Variants in PCDH8 observed in about 807,000 individuals in gnomAD.
PCDH8 encodes the protein protocadherin 8, also known as protocadherin-8.
In PCDH8, 36 loss-of-function variants were observed where a neutral mutation model predicts 58.2. The ratio of observed to expected loss-of-function variants is 0.62; its 90% CI spans 0.47 to 0.82. PCDH8 has a LOEUF of 0.82. PCDH8 is among the 40% of genes least tolerant of loss of function. The probability of loss-of-function intolerance (pLI) is 0.00; values close to 1 mark genes in which losing one functional copy is unlikely to be tolerated. For synonymous variants in PCDH8, 775 were observed against 728.9 expected (o/e 1.06, Z -1.02); for missense variants, 1,493 against 1,567.8 (o/e 0.95, Z 0.81).
chr13:52,845,770 C>T, intron 1 of PCDH8, 36 bp downstream of exon 1: 1 of 1,498,994 alleles, frequency 6.7e-7, no homozygotes, highest in Non-Finnish European at 8.8e-7. Flanking sequence ...GTCCGCGGAG[C>T]TCGGAGGGGG....
At position 52,844,916 on chromosome 13, in the gene PCDH8, C is replaced by A; in HGVS notation, c.2857G>T (p.Ala953Ser). 6.5e-7 allele frequency: 1 copy of A among 1,528,806 alleles called. No homozygotes were observed. The allele number at this position is 1,528,806 out of a possible 1,614,324, so 94.7% of individuals were successfully genotyped here. ...GAGTGGCCCAGGATCTTACACTCAGCGGTGCACGCCCACAGTCCTAATACG... is the reference window on the plus strand; with the variant it reads ...GAGTGGCCCAGGATCTTACACTCAGAGGTGCACGCCCACAGTCCTAATACG... ...HMQSGLWACT[A>S]ECKILGHSDR... The change falls in exon 3 of 3, where the codon GCT (alanine) becomes TCT (serine). Residue 953 changes from alanine (A) to serine (S), a missense_variant. Physicochemically the swap from Ala to Ser is moderately conservative, Grantham distance 99 (BLOSUM62 1). Coordinates refer to ENST00000377942, the MANE Select transcript of PCDH8 (RefSeq NM_002590.4).
rs1322166309 is a variant in PCDH8 at position 52,843,360 on chromosome 13, G to A, written c.*1200C>T. On this transcript the variant is annotated 3_prime_UTR_variant, in exon 3 of 3. Transcript: ENST00000377942. ...GATCTTGTTTCACATAGCTCCCTGT[G>A]TTTTTTTCTAGAACATTTTAAAGCG... 1 of 151,960 alleles carries A rather than the reference G, an allele frequency of 6.6e-6. No individual in the cohort carries two copies. Among genetic ancestry groups the A allele is most frequent in the African/African-American group, 2.4e-5 (1 of 41,356 alleles). 9.4% of individuals were successfully genotyped at this position (151,960 alleles called of 1,614,324 possible). A position where few individuals can be genotyped will look rare whatever the true frequency, so the allele number is the denominator to read the frequency against.
Position 52,847,380 on chromosome 13 carries a change from C to A in PCDH8, c.1057G>T (p.Asp353Tyr). 1 of 1,529,390 alleles carries A rather than the reference C, an allele frequency of 6.5e-7. No homozygotes were observed. Among genetic ancestry groups the A allele is most frequent in the Non-Finnish European group, 8.7e-7 (1 of 1,144,720 alleles). 94.7% of individuals were successfully genotyped at this position (1,529,390 alleles called of 1,614,324 possible). The change falls in exon 1 of 3, where the codon GAC (aspartate) becomes TAC (tyrosine). Residue 353 changes from aspartate (D) to tyrosine (Y), a missense_variant. By Grantham distance (160) the Asp-to-Tyr change is radical. This residue lies in a region of PCDH8 where 1,307 missense variants were observed against 1,362.7 expected (regional missense o/e 0.96). Coordinates refer to ENST00000377942, the MANE Select transcript of PCDH8 (RefSeq NM_002590.4). ...RIRDVNDNAP[D>Y]IAITPLAAPG... is the part of the protein sequence containing the mutation. ...GCGGCCAGCGGGGTGATGGCGATGT[C>A]GGGTGCGTTGTCATTGACGTCTCGG...
In PCDH8 at chr13:52,846,154, C is replaced by G; in HGVS notation, c.2283G>C (p.Thr761=). Residue 761 remains threonine (T), a synonymous_variant, in exon 1 of 3, where the codon ACG becomes ACC. Transcript: ENST00000377942. ...TGGCGATGATGGCGGCCAGCAGCAG[C>G]GTGCAGCTCCCGGCCAGCACGATGA... The part of the protein sequence containing the change: ...IVIIVLAGSC[T]LLLAAIIAIA... The G allele has an allele frequency of 4.4e-6, 7 of 1,584,184 alleles. No homozygotes were observed. The East Asian group carries it at 1.4e-4, about 32-fold the overall frequency.
In PCDH8 at chr13:52,847,129, G is replaced by A. The variant is rs746672316; in HGVS notation, c.1308C>T (p.His436=). The A allele has an allele frequency of 1.0e-5, 16 of 1,548,726 alleles. No homozygotes were observed. The highest frequency in any genetic ancestry group is 1.4e-5 in the Non-Finnish European group (16 of 1,155,116). ...CCGCGTAGGCCGGCTGCAGCCGGAAGTGCTCGTGCCCATAGAGGGCGCAGC... is the reference window on the plus strand; with the variant it reads ...CCGCGTAGGCCGGCTGCAGCCGGAAATGCTCGTGCCCATAGAGGGCGCAGC... ...QVRCALYGHE[H]FRLQPAYAGS... is the part of the protein sequence containing the mutation. The change falls in exon 1 of 3, where the codon CAC becomes CAT. Residue 436 remains histidine, a synonymous_variant. Transcript: ENST00000377942.
chr13:52,847,088 A>T lies in PCDH8; in HGVS notation c.1349T>A (p.Val450Glu). The change falls in exon 1 of 3, where the codon GTG becomes GAG. Residue 450 changes from valine to glutamate, a missense_variant. Val to Glu is a moderately radical substitution (Grantham distance 121, BLOSUM62 -2). Around this residue, in one of 3 missense-constraint regions of PCDH8, gnomAD observed 1,307 missense variants for 1,362.7 expected, o/e 0.96. Coordinates refer to ENST00000377942, the MANE Select transcript of PCDH8 (RefSeq NM_002590.4). ...TTCGCGGTCCAGCGACGCCGCGGTC[A>T]CCACCAGGTAGCTGCCCGCGTAGGC... ...QPAYAGSYLV[V>E]TAASLDRERI... 6.4e-7 allele frequency: 1 copy of T among 1,558,910 alleles called. No individual in the cohort carries two copies. The highest frequency in any genetic ancestry group is 8.6e-7 in the Non-Finnish European group (1 of 1,156,562).
In PCDH8 at chr13:52,845,527, T is replaced by C. The variant is rs1165679964; in HGVS notation, c.2737A>G (p.Ser913Gly). ...TISGREAEKF[S>G]GKDSGKGDSD... ...TCCCCTTTACCGCTGTCTTTGCCGCTGAACTTCTCTGCTTCTCTGCCAGAA... is the reference window on the plus strand; with the variant it reads ...TCCCCTTTACCGCTGTCTTTGCCGCCGAACTTCTCTGCTTCTCTGCCAGAA... The change falls in exon 2 of 3, where the codon AGC becomes GGC. Residue 913 changes from serine (S) to glycine (G), a missense_variant. Physicochemically the swap from Ser to Gly is moderately conservative, Grantham distance 56. Transcript: ENST00000377942. 1 of 1,614,230 alleles carries C rather than the reference T, an allele frequency of 6.2e-7. No individual in the cohort carries two copies. Among genetic ancestry groups the C allele is most frequent in the Non-Finnish European group, 8.5e-7 (1 of 1,180,036 alleles).
Position 52,847,509 on chromosome 13 carries a change from C to G in PCDH8, c.928G>C (p.Gly310Arg), listed in dbSNP as rs779309281. ...TCCTGACGCTCGTAGTCCACGGGCC[C>G]GGCCAGGGTGAGGCGGCCTGATCGC... ...DPRSGRLTLA[G>R]PVDYERQDTY... is the part of the protein sequence containing the mutation. Residue 310 changes from glycine (G) to arginine (R), a missense_variant, in exon 1 of 3, where the codon GGG becomes CGG. Around this residue, in one of 3 missense-constraint regions of PCDH8, gnomAD observed 1,307 missense variants for 1,362.7 expected, o/e 0.96. Coordinates refer to ENST00000377942, the MANE Select transcript of PCDH8 (RefSeq NM_002590.4). The G allele has an allele frequency of 1.5e-5, 24 of 1,586,336 alleles. No homozygotes were observed. In the Middle Eastern group the frequency reaches 5.0e-4, roughly 33 times the overall value.
chr13:52,844,875 G>A lies in PCDH8; in HGVS notation c.2898C>T (p.Ser966=). The A allele has an allele frequency of 6.3e-7, 1 of 1,583,268 alleles. No homozygotes were observed. Among genetic ancestry groups the A allele is most frequent in the Non-Finnish European group, 8.6e-7 (1 of 1,162,954 alleles). The change falls in exon 3 of 3, where the codon AGC becomes AGT. Residue 966 remains serine (S), a synonymous_variant. Transcript: ENST00000377942. The part of the protein sequence containing the change: ...KILGHSDRCW[S]PSCSGPNAHP... ...GTGCGTTGGGCCCGCTGCAGGATGG[G>A]CTCCAGCAGCGGTCAGAGTGGCCCA...
chr13:52,848,365 G>A lies in PCDH8; in HGVS notation c.72C>T (p.Leu24=). 6.2e-7 allele frequency: 1 copy of A among 1,612,626 alleles called. No homozygotes were observed. The highest frequency in any genetic ancestry group is 8.5e-7 in the Non-Finnish European group (1 of 1,180,040). ...GGACTGTTTTGCTCTGGGCCACTGA[G>A]AGCACCCAGCAGAGGCTGAAGAGCT... ...PLQLFSLCWV[L]SVAQSKTVRY... is the part of the protein sequence containing the mutation. Residue 24 remains leucine, a synonymous_variant, in exon 1 of 3, where the codon CTC becomes CTT. Transcript: ENST00000377942.
In PCDH8 at chr13:52,847,299, C is replaced by G; in HGVS notation, c.1138G>C (p.Gly380Arg). 7.1e-7 allele frequency: 1 copy of G among 1,402,296 alleles called. No homozygotes were observed. The highest frequency in any genetic ancestry group is 9.2e-7 in the Non-Finnish European group (1 of 1,084,838). 86.9% of individuals were successfully genotyped at this position (1,402,296 alleles called of 1,614,324 possible). The part of the protein sequence containing the change: ...FAAAAAAAAL[G>R]GADASSPAGA... ...GCCGGCGAGCTAGCGTCCGCTCCCC[C>G]GAGTGCAGCGGCGGCGGCGGCAGCG... The change falls in exon 1 of 3, where the codon GGG (glycine) becomes CGG (arginine). Residue 380 changes from glycine (G) to arginine (R), a missense_variant. This residue lies in a region of PCDH8 where 1,307 missense variants were observed against 1,362.7 expected (regional missense o/e 0.96). Coordinates refer to ENST00000377942, the MANE Select transcript of PCDH8 (RefSeq NM_002590.4).
chr13:52,844,689 C>G lies in PCDH8; in HGVS notation c.3084G>C (p.Arg1028Ser). 6 of 1,614,148 alleles carry G rather than the reference C, an allele frequency of 3.7e-6. No individual in the cohort carries two copies. Among genetic ancestry groups the G allele is most frequent in the Non-Finnish European group, 4.2e-6 (5 of 1,180,044 alleles). The change falls in exon 3 of 3, where the codon AGG becomes AGC. Residue 1028 changes from arginine to serine, a missense_variant. By Grantham distance (110) the Arg-to-Ser change is moderately radical (BLOSUM62 -1). Transcript: ENST00000377942. ...GGGGAGGGGAGAGCAGAGTGACTGTCCTGTCATAGTCTCTGTGCAGTACTT... is the reference window on the plus strand; with the variant it reads ...GGGGAGGGGAGAGCAGAGTGACTGTGCTGTCATAGTCTCTGTGCAGTACTT... Reference protein sequence around the residue: ...YEKVLHRDYDRTVTLLSPPRP... With the variant: ...YEKVLHRDYDSTVTLLSPPRP...
chr13:52,844,790 G>A lies in PCDH8; in HGVS notation c.2983C>T (p.Arg995Trp). ...TAATTGTCCCTGCGCAGAGGATCCC[G>A]AGGCAGTGACGTGCTCTTACAGAAG... ...STFCKSTSLP[R>W]DPLRRDNYYQ... is the part of the protein sequence containing the mutation. Residue 995 changes from arginine (R) to tryptophan (W), a missense_variant, in exon 3 of 3, where the codon CGG (arginine) becomes TGG (tryptophan). This residue lies in a region of PCDH8 where 182 missense variants were observed against 178.9 expected (regional missense o/e 1.02). Coordinates refer to ENST00000377942, the MANE Select transcript of PCDH8 (RefSeq NM_002590.4). 3 of 1,613,366 alleles carry A rather than the reference G, an allele frequency of 1.9e-6. No homozygotes were observed. Among genetic ancestry groups the A allele is most frequent in the South Asian group, 1.1e-5 (1 of 90,924 alleles).
At position 52,848,452 on chromosome 13, in the gene PCDH8, T is replaced by G. The variant is rs1050206543; in HGVS notation, c.-16A>C. 6.4e-7 allele frequency: 1 copy of G among 1,574,544 alleles called. No individual in the cohort carries two copies. Among genetic ancestry groups the G allele is most frequent in the Admixed American group, 1.8e-5 (1 of 56,598 alleles). ...CAGGACTCATGCCTCCAGCCTCAAG[T>G]GCGATCCGAAAGGCTAAGGAAGTCT... On this transcript the variant is annotated 5_prime_UTR_variant, in exon 1 of 3. Coordinates refer to ENST00000377942, the MANE Select transcript of PCDH8 (RefSeq NM_002590.4).
rs758033662 is a variant in PCDH8 at position 52,846,820 on chromosome 13, G to A, written c.1617C>T (p.Ala539=). 1 of 1,549,440 alleles carries A rather than the reference G, an allele frequency of 6.5e-7. No homozygotes were observed. The highest frequency in any genetic ancestry group is 1.4e-5 in the African/African-American group (1 of 73,368). ...NGQVTYRLLE[A]EVGRAGGAVS... ...CGGCGCCCCCGGCGCGGCCCACCTC[G>A]GCCTCCAGCAGCCGGTAGGTGACCT... is the stretch of plus-strand genomic sequence containing the variant. Residue 539 remains alanine (A), a synonymous_variant, in exon 1 of 3, where the codon GCC becomes GCT. Coordinates refer to ENST00000377942, the MANE Select transcript of PCDH8 (RefSeq NM_002590.4).
rs1379540074 is a variant in PCDH8, at chr13:52,846,538, C to A, written c.1899G>T (p.Val633=). The A allele has an allele frequency of 1.2e-6, 2 of 1,600,334 alleles. No homozygotes were observed. Among genetic ancestry groups the A allele is most frequent in the Non-Finnish European group, 8.5e-7 (1 of 1,178,796 alleles). Residue 633 remains valine, a synonymous_variant, in exon 1 of 3, where the codon GTG becomes GTT. Coordinates refer to ENST00000377942, the MANE Select transcript of PCDH8 (RefSeq NM_002590.4). ...CTGCATCCCGGGCCTGCACACGGGC[C>A]ACAACCGTGTCCTTTGCGGTGCGCC... ...VPGRTAKDTV[V]ARVQARDADE...
chr13:52,845,841 C>G lies in PCDH8; in HGVS notation c.2596G>C (p.Glu866Gln). 7 of 1,517,826 alleles carry G rather than the reference C, an allele frequency of 4.6e-6. No individual in the cohort carries two copies. The highest frequency in any genetic ancestry group is 5.3e-6 in the Non-Finnish European group (6 of 1,140,608). The allele number at this position is 1,517,826 out of a possible 1,614,324, so 94.0% of individuals were successfully genotyped here. Reference sequence around the variant, plus strand: ...GCGCCGCGGAGCCGCTGCTGCCCCTCGAAGTGACAGGCGCTTTCCCCAGTG... The same window carrying G: ...GCGCCGCGGAGCCGCTGCTGCCCCTGGAAGTGACAGGCGCTTTCCCCAGTG... ...SATGESACHF[E>Q]GQQRLRGAHA... The change falls in exon 1 of 3, where the codon GAG (glutamate) becomes CAG (glutamine). Residue 866 changes from glutamate to glutamine, a missense_variant. By Grantham distance (29) the Glu-to-Gln change is conservative. Transcript: ENST00000377942.
rs1483378049 is a variant in PCDH8 at position 52,843,671 on chromosome 13, A to C, written c.*889T>G. 1.3e-5 allele frequency: 2 copies of C among 152,236 alleles called. No homozygotes were observed. Among genetic ancestry groups the C allele is most frequent in the Non-Finnish European group, 2.9e-5 (2 of 68,042 alleles). The allele number at this position is 152,236 out of a possible 1,614,324, so 9.4% of individuals were successfully genotyped here. A position where few individuals can be genotyped will look rare whatever the true frequency, so the allele number is the denominator to read the frequency against. On this transcript the variant is annotated 3_prime_UTR_variant, in exon 3 of 3. Coordinates refer to ENST00000377942, the MANE Select transcript of PCDH8 (RefSeq NM_002590.4). ...CAGATGCTTGTTTAATTAGTGAATG[A>C]ACAACCCAAACTTAGCTTTCTTCAC... is the stretch of plus-strand genomic sequence containing the variant.
At position 52,846,995 on chromosome 13, in the gene PCDH8, C is replaced by A; in HGVS notation, c.1442G>T (p.Arg481Leu). The change falls in exon 1 of 3, where the codon CGG becomes CTG. Residue 481 changes from arginine (R) to leucine (L), a missense_variant. Physicochemically the swap from Arg to Leu is moderately radical, Grantham distance 102. Transcript: ENST00000377942. ...GTCGCCCACACGCACCGTGTAGGGC[C>A]GCACTGTGCGCAGCGGGGGCGCGCC... is the stretch of plus-strand genomic sequence containing the variant. Reference protein sequence around the residue: ...DRGAPPLRTVRPYTVRVGDEN... With the variant: ...DRGAPPLRTVLPYTVRVGDEN... The A allele has an allele frequency of 6.3e-7, 1 of 1,581,770 alleles. No homozygotes were observed. The highest frequency in any genetic ancestry group is 8.6e-7 in the Non-Finnish European group (1 of 1,167,528).
Sources: allele counts gnomAD v4.1 joint callset, GRCh38; gene constraint gnomAD v4.1.1; regional missense constraint gnomAD v4.1.1; transcripts MANE v1.5; gene names NCBI Gene and HGNC (gene_info 2026-07-23, HGNC 2026-07-21).